XPR1: variants seen among roughly 807,000 people sequenced by gnomAD.
The protein encoded by XPR1 is solute carrier family 53 member 1.
Under a neutral mutation model 87.5 loss-of-function variants are expected in XPR1, and 28 were observed. The ratio of observed to expected loss-of-function variants is 0.32; its 90% CI spans 0.24 to 0.44. The LOEUF (loss-of-function observed/expected upper bound fraction) is 0.44, where lower values mean the gene tolerates loss of function less well. XPR1 is among the 20% of genes least tolerant of loss of function. XPR1 has a pLI of 1.00. For missense variants in XPR1, 559 were observed against 862.3 expected (o/e 0.65, Z 4.41); for synonymous variants, 300 against 306.1 (o/e 0.98, Z 0.21).
intron 1 of XPR1, among the ~76,000 whole-genome samples, chr1:180,654,171 C>T (rs938164246): frequency 6.6e-6 from 1 of 151,678 alleles, no homozygotes; most frequent in Non-Finnish European, 1.5e-5. Context: ...ATTAGTTTTA[C>T]TATTGATAAG....
chr1:180,707,401 C>A lies in XPR1; in HGVS notation c.121+24990C>A, dbSNP rs1463877777. ...CCTCTATGTATCTATGTATTTTCAT[C>A]ATTTAGCTTCCACTTATAAGTGAGA... On this transcript the variant is annotated intron_variant, in intron 2 of 14. Coordinates refer to ENST00000367590, the MANE Select transcript of XPR1 (RefSeq NM_004736.4). Among the ~76,000 whole-genome samples, 4 of 152,312 alleles carry A rather than the reference C, an allele frequency of 2.6e-5. No individual in the cohort carries two copies. The South Asian group carries it at 8.3e-4, about 32-fold the overall frequency.
chr1:180,722,582 ATT>A (rs1422205817), intron 2 of XPR1, among the ~76,000 whole-genome samples: 1 of 152,158 alleles, frequency 6.6e-6, no homozygotes, highest in African/African-American at 2.4e-5. Flanking sequence ...TACAAATGTT[ATT>A]TTATCAGTTT....
chr1:180,742,358 G>A (rs1366834724), intron 2 of XPR1, among the ~76,000 whole-genome samples: 2 of 151,976 alleles, frequency 1.3e-5, no homozygotes, highest in Non-Finnish European at 2.9e-5. Flanking sequence ...AATATTTTCT[G>A]ATTTCCCTTG....
Position 180,836,728 on chromosome 1 carries a change from TTGACTC to T in XPR1, c.1501+16_1501+21del. ...CAGCACTCACAAAGGTATTCTGTGA[TTGACTC>T]TGAAGAGATTTTTTTAAACCTGGAT... On this transcript the variant is annotated intron_variant, in intron 11 of 14. Coordinates refer to ENST00000367590, the MANE Select transcript of XPR1 (RefSeq NM_004736.4). 6.2e-7 allele frequency: 1 copy of T among 1,613,000 alleles called. No homozygotes were observed. The highest frequency in any genetic ancestry group is 1.1e-5 in the South Asian group (1 of 91,074).
At chr1:180,777,025 A>G (rs1010565812) in intron 2 of XPR1, among the ~76,000 whole-genome samples, 7 of 152,202 alleles carry the variant, frequency 4.6e-5, no homozygotes, top group African/African-American at 1.7e-4. Context: ...TTAGTTAGAA[A>G]TTTGCAATTA....
At chr1:180,662,382 TATTTTTGTCAGATATACTATTTTAGG>T (rs1176716666) in intron 1 of XPR1, among the ~76,000 whole-genome samples, 2 of 152,234 alleles carry the variant, frequency 1.3e-5, no homozygotes, top group African/African-American at 4.8e-5. Flanking sequence ...ATTTGAAGGA[TATTTTTGTCAGATATACTATTTTAGG>T]ATGAAAGTTT....
At chr1:180,724,425 C>T (rs1379503553) in intron 2 of XPR1, among the ~76,000 whole-genome samples, 5 of 152,122 alleles carry the variant, frequency 3.3e-5, no homozygotes, top group African/African-American at 9.6e-5. Flanking sequence ...TTATATTTGT[C>T]TTCATATTAA....
chr1:180,711,516 A>ACTC lies in XPR1; in HGVS notation c.121+29105_121+29106insCTC, dbSNP rs1364830428. Among the ~76,000 whole-genome samples the ACTC allele has an allele frequency of 2.6e-4, 40 of 152,042 alleles. No individual in the cohort carries two copies. The South Asian group carries it at 7.9e-3, about 30-fold the overall frequency. ...GCAATTGCAGGCACTCGGCAGGCTGAGGCAGGAGAATGAGGCAGGGAGGTT... is the reference window on the plus strand; with the variant it reads ...GCAATTGCAGGCACTCGGCAGGCTGACTCGGCAGGAGAATGAGGCAGGGAGGTT... On this transcript the variant is annotated intron_variant, in intron 2 of 14. Coordinates refer to ENST00000367590, the MANE Select transcript of XPR1 (RefSeq NM_004736.4).
intron 9 of XPR1, among the ~76,000 whole-genome samples, chr1:180,826,923 G>C (rs1176357236): frequency 6.6e-6 from 1 of 151,926 alleles, no homozygotes; most frequent in Non-Finnish European, 1.5e-5. Context: ...GGAGGCCGAG[G>C]TGGGTGGATC....
intron 1 of XPR1, among the ~76,000 whole-genome samples, chr1:180,632,936 A>G (rs905693537): frequency 3.9e-5 from 6 of 152,258 alleles, no homozygotes; most frequent in African/African-American, 1.4e-4. Flanking sequence ...TACTGATTGC[A>G]TGAAGTCTAC....
chr1:180,858,653 C>T (rs1652116982), intron 11 of XPR1, among the ~76,000 whole-genome samples: 2 of 152,126 alleles, frequency 1.3e-5, no homozygotes, highest in Admixed American at 1.3e-4. Context: ...AACCACAAAG[C>T]TTGGAAGAGG....
intron 11 of XPR1, among the ~76,000 whole-genome samples, chr1:180,857,436 G>A (rs914173401): frequency 6.6e-6 from 1 of 152,078 alleles, no homozygotes; most frequent in Non-Finnish European, 1.5e-5. Flanking sequence ...TGTGTACCTG[G>A]TACCTAGAAT....
intron 1 of XPR1, among the ~76,000 whole-genome samples, chr1:180,672,851 CTG>C (rs1177251052): frequency 6.6e-6 from 1 of 152,048 alleles, no homozygotes; most frequent in Non-Finnish European, 1.5e-5. Context: ...AAAAAAGTAT[CTG>C]TTGTAATTTT....
chr1:180,732,544 TC>T lies in XPR1; in HGVS notation c.121+50135del, dbSNP rs1335378740. ...ATGTTGTTTTTGAAATGGGGAAAGT[TC>T]CTGTGTCCCCCTCACAGGGTGTGCA... On this transcript the variant is annotated intron_variant, in intron 2 of 14. Transcript: ENST00000367590. Among the ~76,000 whole-genome samples, 4 of 152,358 alleles carry T rather than the reference TC, an allele frequency of 2.6e-5. No homozygotes were observed. In the East Asian group the frequency reaches 7.7e-4, roughly 29 times the overall value.
At chr1:180,784,167 A>G (rs773068385) in intron 2 of XPR1, among the ~76,000 whole-genome samples, 8 of 152,062 alleles carry the variant, frequency 5.3e-5, no homozygotes, top group African/African-American at 1.2e-4. Context: ...TTTAATAGCT[A>G]TTGCCAAATT....
chr1:180,858,384 A>G (rs762859597), intron 11 of XPR1, among the ~76,000 whole-genome samples: 1 of 152,228 alleles, frequency 6.6e-6, no homozygotes, highest in Non-Finnish European at 1.5e-5. Flanking sequence ...TTTTATATAC[A>G]GTATGAAATA....
chr1:180,864,816 A>T (rs554755991), intron 12 of XPR1, among the ~76,000 whole-genome samples: 156 of 152,220 alleles, frequency 1.0e-3, no homozygotes, highest in Non-Finnish European at 1.8e-3. Context: ...GTAATCCTGA[A>T]TGTGAATGTA....
intron 6 of XPR1, among the ~76,000 whole-genome samples, chr1:180,808,669 A>C (rs941049017): frequency 6.6e-6 from 1 of 152,206 alleles, no homozygotes; most frequent in Non-Finnish European, 1.5e-5. Flanking sequence ...ACAGATGTAC[A>C]GGTGGCAAAT....
intron 2 of XPR1, among the ~76,000 whole-genome samples, chr1:180,726,943 C>T (rs905538634): frequency 1.3e-5 from 2 of 149,792 alleles, no homozygotes; most frequent in Non-Finnish European, 3.0e-5. Context: ...GGCGCGTTGT[C>T]GGCTCACTGC....
Sources: allele counts gnomAD v4.1 joint callset (sites outside exome capture counted in the v4.1 genomes callset), GRCh38; gene constraint gnomAD v4.1.1; transcripts MANE v1.5; gene names NCBI Gene and HGNC (gene_info 2026-07-23, HGNC 2026-07-21).